The following CACNB2 variants were observed in gnomAD, a reference collection of about 807,000 sequenced individuals.
CACNB2 encodes the protein voltage-dependent L-type calcium channel subunit beta-2.
CACNB2 carries 42 observed loss-of-function variants against 73.3 expected under a neutral mutation model. The ratio of observed to expected loss-of-function variants is 0.57; its 90% CI spans 0.45 to 0.74. The LOEUF is 0.74. CACNB2 is among the 30% of genes least tolerant of loss of function. The probability of loss-of-function intolerance (pLI) is 0.00; values close to 1 mark genes in which losing one functional copy is unlikely to be tolerated. For missense variants in CACNB2, 940 were observed against 853.0 expected (o/e 1.10, Z -1.27); for synonymous variants, 348 against 310.3 (o/e 1.12, Z -1.28).
chr10:18,388,151 A>G (rs1436616629), intron 2 of CACNB2, among the ~76,000 whole-genome samples: 1 of 152,182 alleles, frequency 6.6e-6, no homozygotes, highest in African/African-American at 2.4e-5. Flanking sequence ...ATTAAAGTCC[A>G]TTACACCTTC....
intron 2 of CACNB2, among the ~76,000 whole-genome samples, chr10:18,361,214 A>G (rs1431078823): frequency 6.6e-6 from 1 of 151,918 alleles, no homozygotes; most frequent in African/African-American, 2.4e-5. Context: ...CCTAAAGTAG[A>G]CTTTTCAAAA....
intron 2 of CACNB2, among the ~76,000 whole-genome samples, chr10:18,285,441 A>T (rs911084270): frequency 6.6e-6 from 1 of 152,232 alleles, no homozygotes; most frequent in African/African-American, 2.4e-5. Context: ...ACCAGGTGAC[A>T]GCCAGCACTG....
intron 11 of CACNB2, among the ~76,000 whole-genome samples, chr10:18,535,722 G>A (rs1214755394): frequency 2.0e-5 from 3 of 151,958 alleles, no homozygotes; most frequent in Admixed American, 6.6e-5. Flanking sequence ...GCAGTGAGCC[G>A]AGATCGCACC....
intron 3 of CACNB2, among the ~76,000 whole-genome samples, chr10:18,497,221 A>AG (rs1554831081): frequency 6.6e-6 from 1 of 151,458 alleles, no homozygotes; most frequent in South Asian, 2.1e-4. Context: ...AAAAAAAAAA[A>AG]AAAGAAAAGA....
At chr10:18,530,165 C>A (rs1797811114) in intron 10 of CACNB2, among the ~76,000 whole-genome samples, 1 of 152,174 alleles carries the variant, frequency 6.6e-6, no homozygotes, top group Admixed American at 6.5e-5. Flanking sequence ...AGCTACAATT[C>A]AAGATGAGAT....
In CACNB2 at chr10:18,271,671, G is replaced by A. The variant is rs139668046; in HGVS notation, c.213+120696G>A. On this transcript the variant is annotated intron_variant, in intron 2 of 13. Transcript: ENST00000324631. ...AGGCAGGTAGCCGTTCTCTGAAGCA[G>A]CCTTTTGTGTTGTTGGTTTAGAGGC... is the stretch of plus-strand genomic sequence containing the variant. 2.6e-5 allele frequency among the ~76,000 whole-genome samples: 4 copies of A among 152,212 alleles called. No individual in the cohort carries two copies. The East Asian group carries it at 7.7e-4, about 29-fold the overall frequency.
intron 2 of CACNB2, among the ~76,000 whole-genome samples, chr10:18,171,407 G>C (rs71491145): frequency 2.8e-5 from 4 of 144,072 alleles, no homozygotes; most frequent in South Asian, 2.2e-4. Context: ...TGCCTGGACT[G>C]TGTCTCCCCC....
chr10:18,188,651 T>C (rs2034260097), intron 2 of CACNB2, among the ~76,000 whole-genome samples: 1 of 152,168 alleles, frequency 6.6e-6, no homozygotes, highest in African/African-American at 2.4e-5. Context: ...AAATAGTATA[T>C]GCTTATTTTG....
At chr10:18,504,759 T>C (rs1336111395) in intron 5 of CACNB2, among the ~76,000 whole-genome samples, 4 of 151,998 alleles carry the variant, frequency 2.6e-5, no homozygotes, top group Non-Finnish European at 5.9e-5. Flanking sequence ...ATTCTCCTGC[T>C]TCAGCCTCCC....
chr10:18,150,097 A>G (rs575628606), intron 1 of CACNB2, among the ~76,000 whole-genome samples: 24 of 152,326 alleles, frequency 1.6e-4, no homozygotes, highest in African/African-American at 5.1e-4. Flanking sequence ...ATTTGCCCTT[A>G]CTGCATCTAT....
chr10:18,500,725 A>G (rs939735532), intron 4 of CACNB2, 87 bp from the exon 5 acceptor site: 50 of 1,347,162 alleles, frequency 3.7e-5, no homozygotes, highest in Non-Finnish European at 5.2e-5. Context: ...GGTCATTGCC[A>G]TATTTCTCTC....
chr10:18,423,962 T>C (rs2045462889), intron 3 of CACNB2, among the ~76,000 whole-genome samples: 1 of 152,084 alleles, frequency 6.6e-6, no homozygotes, highest in Admixed American at 6.5e-5. Context: ...TTATTGAAAA[T>C]AGGATGTCAT....
At chr10:18,267,677 G>A (rs1588892707) in intron 2 of CACNB2, among the ~76,000 whole-genome samples, 2 of 152,278 alleles carry the variant, frequency 1.3e-5, no homozygotes, top group South Asian at 2.1e-4. Flanking sequence ...GCACAGAGGC[G>A]GGAAAATGAA....
At chr10:18,220,232 T>TATATATATAGAG (rs1488872721) in intron 2 of CACNB2, among the ~76,000 whole-genome samples, 3 of 25,090 alleles carry the variant, frequency 1.2e-4, no homozygotes, top group Admixed American at 6.7e-4. Flanking sequence ...TATATATATA[T>TATATATATAGAG]AGAGAGAGAG....
intron 2 of CACNB2, among the ~76,000 whole-genome samples, chr10:18,267,954 A>T (rs76663952): frequency 0.13 from 19,788 of 152,260 alleles, 1,413 homozygotes; most frequent in African/African-American, 0.17. Flanking sequence ...AACAAGAATA[A>T]TAAGAGTCTT....
intron 2 of CACNB2, among the ~76,000 whole-genome samples, chr10:18,217,539 G>A (rs187183353): frequency 2.6e-5 from 4 of 151,870 alleles, no homozygotes; most frequent in South Asian, 4.2e-4. Context: ...TGGCAAAATT[G>A]TATAAATGTT....
intron 2 of CACNB2, among the ~76,000 whole-genome samples, chr10:18,174,317 C>G (rs1478500305): frequency 6.8e-6 from 1 of 146,458 alleles, no homozygotes; most frequent in African/African-American, 2.5e-5. Context: ...CCCTCCCTCC[C>G]TCCCCCCTCT....
intron 3 of CACNB2, among the ~76,000 whole-genome samples, chr10:18,474,168 A>G (rs1442663013): frequency 6.6e-6 from 1 of 152,190 alleles, no homozygotes; most frequent in Non-Finnish European, 1.5e-5. Flanking sequence ...GGCGAAGGGG[A>G]ACATTGCAAA....
At chr10:18,177,304 G>A (rs2033651366) in intron 2 of CACNB2, among the ~76,000 whole-genome samples, 1 of 151,968 alleles carries the variant, frequency 6.6e-6, no homozygotes, top group African/African-American at 2.4e-5. Context: ...ATCCACAGAG[G>A]GTTTTGGGAT....
Sources: allele counts gnomAD v4.1 joint callset (sites outside exome capture counted in the v4.1 genomes callset), GRCh38; gene constraint gnomAD v4.1.1; transcripts MANE v1.5; gene names NCBI Gene and HGNC (gene_info 2026-07-23, HGNC 2026-07-21).